Variants in POLR2B observed in about 807,000 individuals in gnomAD.
POLR2B encodes RNA polymerase II subunit B.
Under a neutral mutation model 144.6 loss-of-function variants are expected in POLR2B, and 57 were observed. That is an observed-to-expected ratio of 0.39 (90% CI 0.32 to 0.49). The LOEUF (loss-of-function observed/expected upper bound fraction) is 0.49, where lower values mean the gene tolerates loss of function less well. Ranked by LOEUF, POLR2B falls within the 20% of genes least tolerant of loss-of-function variation. POLR2B has a pLI of 0.83. For missense variants in POLR2B, 595 were observed against 1,467.4 expected, an observed-to-expected ratio of 0.41 and a Z score of 9.71; for synonymous variants, 442 against 469.8, an observed-to-expected ratio of 0.94 and a Z score of 0.77.
rs73167813 is a variant in POLR2B at position 56,989,749 on chromosome 4, A to G, written c.93-999A>G. ...TCCTACTGCTGAAGGGTGATGGGAT[A>G]ATCTTGAGGGTTGTGCTACATCCTC... On this transcript the variant is annotated intron_variant, in intron 2 of 24. Coordinates refer to ENST00000314595, the MANE Select transcript of POLR2B (RefSeq NM_000938.3). 3.2e-3 allele frequency among the ~76,000 whole-genome samples: 490 copies of G among 152,254 alleles called. 2 individuals are homozygous for G. Among genetic ancestry groups the G allele is most frequent in the African/African-American group, 0.011 (464 of 41,556 alleles).
At chr4:57,020,189 A>G (rs111770404) in intron 16 of POLR2B, among the ~76,000 whole-genome samples, 1 of 152,072 alleles carries the variant, frequency 6.6e-6, no homozygotes, top group African/African-American at 2.4e-5. Flanking sequence ...GCGTGCCACC[A>G]CGCCCAGCTA....
intron 1 of POLR2B, among the ~76,000 whole-genome samples, chr4:56,985,775 G>T (rs1722305176): frequency 1.3e-5 from 2 of 152,246 alleles, no homozygotes; most frequent in South Asian, 4.2e-4. Context: ...TTCTGACCTG[G>T]CTTCTGAAGT....
In POLR2B at chr4:56,994,401, C is replaced by T; in HGVS notation, c.244-3C>T. The T allele has an allele frequency of 6.7e-7, 1 of 1,500,024 alleles. No individual in the cohort carries two copies. The allele number at this position is 1,500,024 out of a possible 1,614,324, so 92.9% of individuals were successfully genotyped here. On this transcript the variant is annotated splice_polypyrimidine_tract_variant and splice_region_variant and intron_variant, in intron 3 of 24. Coordinates refer to ENST00000314595, the MANE Select transcript of POLR2B (RefSeq NM_000938.3). ...CTTTTCATGTTTTTTTGTTTAATTT[C>T]AGCCACGATATTTGCTGAAGTTTGA... is the stretch of plus-strand genomic sequence containing the variant.
rs56342768 is a variant in POLR2B at position 56,999,661 on chromosome 4, A to C, written c.780A>C (p.Leu260=). ...TTGGTCAGCGCATTGTGGCAACTCT[A>C]CCATATATCAAGCAAGAAGTTCCCA... ...SAIGQRIVAT[L]PYIKQEVPII... Residue 260 remains leucine (L), a synonymous_variant, in exon 7 of 25, where the codon CTA becomes CTC. Transcript: ENST00000314595. 3.7e-6 allele frequency: 6 copies of C among 1,612,632 alleles called. No homozygotes were observed. The East Asian group carries it at 1.1e-4, about 30-fold the overall frequency.
intron 21 of POLR2B, among the ~76,000 whole-genome samples, chr4:57,024,319 T>TA (rs1723645800): frequency 5.1e-5 from 2 of 39,070 alleles, no homozygotes; most frequent in South Asian, 3.3e-3. Context: ...TGAGATATAC[T>TA]ACATTCAACT....
intron 17 of POLR2B, 113 bp from the exon 18 acceptor site, chr4:57,022,039 A>G: frequency 1.6e-6 from 1 of 632,334 alleles, no homozygotes; most frequent in South Asian, 2.0e-5. Flanking sequence ...CTTGTCCCAG[A>G]TTCGTAGTTT....
chr4:57,002,542 A>G (rs995912410), intron 7 of POLR2B: 3 of 152,130 alleles, frequency 2.0e-5, no homozygotes, highest in African/African-American at 4.8e-5. Context: ...TATTTTAACA[A>G]AATCATTTTT....
At chr4:57,006,705 CCAAA>C (rs1221188120) in intron 9 of POLR2B, 107 bp from the exon 10 acceptor site, 31 of 781,748 alleles carry the variant, frequency 4.0e-5, no homozygotes, top group South Asian at 1.6e-4. Flanking sequence ...TTCACTCTGC[CCAAA>C]CAATTTTTGC....
chr4:57,024,049 C>T lies in POLR2B; in HGVS notation c.2901C>T (p.Ile967=). Residue 967 remains isoleucine (I), a synonymous_variant, in exon 21 of 25, where the codon ATC becomes ATT. Transcript: ENST00000314595. ...AAGGTATCACCCCTGATATCATCATCAATCCCCATGCCATCCCCTCTCGTA... is the reference window on the plus strand; with the variant it reads ...AAGGTATCACCCCTGATATCATCATTAATCCCCATGCCATCCCCTCTCGTA... ...TCEGITPDII[I]NPHAIPSRMT... is the part of the protein sequence containing the mutation. 1 of 1,611,096 alleles carries T rather than the reference C, an allele frequency of 6.2e-7. No homozygotes were observed. The highest frequency in any genetic ancestry group is 8.5e-7 in the Non-Finnish European group (1 of 1,178,040).
intron 21 of POLR2B, among the ~76,000 whole-genome samples, chr4:57,024,407 G>C (rs1399258175): frequency 2.0e-5 from 3 of 152,108 alleles, no homozygotes; most frequent in African/African-American, 4.8e-5. Context: ...AGTTCAATGT[G>C]AACTTAATAA....
rs778419395 is a variant in POLR2B at position 57,030,912 on chromosome 4, G to A, written c.3449G>A (p.Arg1150Gln). 49 of 1,603,470 alleles carry A rather than the reference G, an allele frequency of 3.1e-5. No homozygotes were observed. Among genetic ancestry groups the A allele is most frequent in the Admixed American group, 3.3e-5 (2 of 59,992 alleles). The change falls in exon 25 of 25, where the codon CGA (arginine) becomes CAA (glutamine). Residue 1150 changes from arginine to glutamine, a missense_variant. Arg to Gln is a conservative substitution (Grantham distance 43). This residue lies in a region of POLR2B where 45 missense variants were observed against 80.9 expected (regional missense o/e 0.56). Transcript: ENST00000314595. Reference sequence around the variant, plus strand: ...TTTTCTTTTCAGATTTCTTTGGTGCGAATGCCTTACGCATGCAAACTATTG... The same window carrying A: ...TTTTCTTTTCAGATTTCTTTGGTGCAAATGCCTTACGCATGCAAACTATTG... ...CRNKTQISLV[R>Q]MPYACKLLFQ...
chr4:56,986,506 A>G, intron 2 of POLR2B, 80 bp downstream of exon 2: 1 of 800,400 alleles, frequency 1.2e-6, no homozygotes, highest in Non-Finnish European at 2.2e-6. Context: ...TAGCTCTTCT[A>G]TATAAATATG....
intron 10 of POLR2B, among the ~76,000 whole-genome samples, chr4:57,007,719 C>T (rs558861709): frequency 2.0e-5 from 3 of 152,304 alleles, no homozygotes; most frequent in South Asian, 4.1e-4. Context: ...ATAATGACTG[C>T]AGTAGCTATT....
At chr4:57,012,490 T>C (rs1289873661) in intron 13 of POLR2B, among the ~76,000 whole-genome samples, 1 of 152,174 alleles carries the variant, frequency 6.6e-6, no homozygotes, top group South Asian at 2.1e-4. Flanking sequence ...GTATACTGTT[T>C]GCGGAATGTA....
At position 57,017,422 on chromosome 4, in the gene POLR2B, T is replaced by TGTAATGAGTAAG; in HGVS notation, c.2155-138_2155-137insGTAATGAGTAAG. 1 of 798,896 alleles carries TGTAATGAGTAAG rather than the reference T, an allele frequency of 1.3e-6. No individual in the cohort carries two copies. Among genetic ancestry groups the TGTAATGAGTAAG allele is most frequent in the Non-Finnish European group, 2.0e-6 (1 of 502,360 alleles). 49.5% of individuals were successfully genotyped at this position (798,896 alleles called of 1,614,324 possible). A position where few individuals can be genotyped will look rare whatever the true frequency, so the allele number is the denominator to read the frequency against. ...CATGGTTAAGAGCCGTAATTGATTA[T>TGTAATGAGTAAG]TCCAAATGGTTATTACTTACTGTTT... On this transcript the variant is annotated intron_variant, in intron 15 of 24. Transcript: ENST00000314595. This position sits in a 1 kb window ranked among gnomAD's most constrained non-coding sequence, Gnocchi z 4.8.
intron 6 of POLR2B, among the ~76,000 whole-genome samples, chr4:56,998,658 G>C (rs190846001): frequency 1.8e-4 from 28 of 152,352 alleles, no homozygotes; most frequent in Admixed American, 1.6e-3. Context: ...GTGCCCAGCT[G>C]TATTATTTTT....
At chr4:56,987,141 T>C (rs1194186860) in intron 2 of POLR2B, among the ~76,000 whole-genome samples, 1 of 152,214 alleles carries the variant, frequency 6.6e-6, no homozygotes, top group African/African-American at 2.4e-5. Flanking sequence ...ATGATTACTT[T>C]TGGCAGAAGT....
At chr4:56,994,930 GAAAAAAAAA>G (rs41560115) in intron 5 of POLR2B, 64 bp downstream of exon 5, 17,024 of 729,180 alleles carry the variant, frequency 0.023, 445 homozygotes, top group South Asian at 0.07. Context: ...AAGTTGAAAT[GAAAAAAAAA>G]AAAAAAAGAA....
At chr4:56,980,717 G>A (rs1288407656) in intron 1 of POLR2B, among the ~76,000 whole-genome samples, 1 of 151,958 alleles carries the variant, frequency 6.6e-6, no homozygotes, top group East Asian at 1.9e-4. Context: ...AAAGTGTCAC[G>A]TCTCCTTCTT....
Sources: gnomAD v4.1 joint callset for allele counts (sites outside exome capture counted in the v4.1 genomes callset) on GRCh38, gnomAD v4.1.1 for gene constraint, gnomAD v4.1.1 regional missense constraint, Gnocchi (gnomAD v3.1) non-coding constraint, MANE v1.5 for transcripts, NCBI Gene and HGNC (gene_info 2026-07-23, HGNC 2026-07-21) for gene names.